The following LYRM4 variants were observed in gnomAD, a reference collection of about 807,000 sequenced individuals.
The protein encoded by LYRM4 is LYR motif containing 4.
Under a neutral mutation model 11.7 loss-of-function variants are expected in LYRM4, and 9 were observed. The observed-to-expected ratio is 0.77, with a 90% CI of 0.46 to 1.34. LYRM4 has a LOEUF of 1.34. Ranked by LOEUF, LYRM4 falls within the 40% of genes most tolerant of loss-of-function variation. The pLI is 0.00. For missense variants in LYRM4, 133 were observed against 112.5 expected, an observed-to-expected ratio of 1.18 and a Z score of -0.82; for synonymous variants, 42 against 40.4, an observed-to-expected ratio of 1.04 and a Z score of -0.15.
the LYRM4 span, among the ~76,000 whole-genome samples, chr6:5,090,510 CA>C: frequency 6.6e-6 from 1 of 152,304 alleles, no homozygotes; most frequent in East Asian, 1.9e-4. This position sits in a 1 kb window ranked among gnomAD's most constrained non-coding sequence, Gnocchi z 4.8. Context: ...TCCAGGGCAG[CA>C]AGAGCCACGG....
chr6:5,198,872 A>G (rs1201952825), intron 2 of LYRM4, among the ~76,000 whole-genome samples: 7 of 152,234 alleles, frequency 4.6e-5, no homozygotes, highest in Non-Finnish European at 8.8e-5. Flanking sequence ...CATACCCACT[A>G]GGATGGCTAT....
At chr6:5,170,149 A>C (rs1759339829) in intron 2 of LYRM4, among the ~76,000 whole-genome samples, 2 of 152,256 alleles carry the variant, frequency 1.3e-5, no homozygotes, top group East Asian at 3.8e-4. Context: ...TTTGGATGCC[A>C]AAGGGTTTTG....
chr6:5,152,830 A>G (rs1451904050), intron 2 of LYRM4, among the ~76,000 whole-genome samples: 1 of 152,234 alleles, frequency 6.6e-6, no homozygotes, highest in East Asian at 1.9e-4. Flanking sequence ...GGAAACACGC[A>G]GCAGACGGCA....
intron 2 of LYRM4, among the ~76,000 whole-genome samples, chr6:5,162,455 G>A (rs1758815950): frequency 6.6e-6 from 1 of 151,430 alleles, no homozygotes; most frequent in Admixed American, 6.6e-5. Context: ...CTGGGTCAGG[G>A]ATGTGATGTC....
At chr6:5,160,686 T>A (rs989187917) in intron 2 of LYRM4, among the ~76,000 whole-genome samples, 6 of 151,344 alleles carry the variant, frequency 4.0e-5, no homozygotes, top group Non-Finnish European at 8.8e-5. Flanking sequence ...TGTGAGTGCA[T>A]TAAACCTCTT....
At chr6:5,102,073 G>A, downstream of LYRM4, among the ~76,000 whole-genome samples, 1 of 147,524 alleles carries the variant, frequency 6.8e-6, no homozygotes, top group East Asian at 2.0e-4. Flanking sequence ...GATTAAAGGT[G>A]TGAGCCATTG....
the LYRM4 span, among the ~76,000 whole-genome samples, chr6:5,057,777 T>C: frequency 6.6e-6 from 1 of 151,674 alleles, no homozygotes; most frequent in Non-Finnish European, 1.5e-5. Context: ...TTTTTTTTCT[T>C]AAAGAGACAG....
intron 2 of LYRM4, among the ~76,000 whole-genome samples, chr6:5,122,530 G>C (rs533983970): frequency 6.6e-6 from 1 of 152,172 alleles, no homozygotes; most frequent in Non-Finnish European, 1.5e-5. Flanking sequence ...TGGTCCAGGG[G>C]AGTCTGATGC....
At chr6:5,086,699 G>A in the LYRM4 span, 1 of 734,458 alleles carries the variant, frequency 1.4e-6, no homozygotes. Flanking sequence ...GGAAAGGAGG[G>A]AGACTTTGAA....
intron 1 of LYRM4, among the ~76,000 whole-genome samples, chr6:5,227,685 G>GT (rs144229249): frequency 0.02 from 2,996 of 152,228 alleles, 89 homozygotes; most frequent in African/African-American, 0.067. Context: ...ACATGCACAC[G>GT]TATGTTTACT....
At chr6:5,085,656 G>A in the LYRM4 span, 153 of 1,548,616 alleles carry the variant, frequency 9.9e-5, no homozygotes, top group African/African-American at 1.9e-3. Context: ...TAGGGGATAG[G>A]CCCCTGTCCC....
intron 2 of LYRM4, among the ~76,000 whole-genome samples, chr6:5,192,318 G>A (rs898837942): frequency 6.6e-6 from 1 of 152,148 alleles, no homozygotes; most frequent in Non-Finnish European, 1.5e-5. Context: ...GGCAAGGCAG[G>A]AGGCCAGTAC....
downstream of LYRM4, chr6:5,107,624 A>G (rs1373300788): frequency 1.3e-5 from 2 of 152,180 alleles, no homozygotes; most frequent in Non-Finnish European, 2.9e-5. Flanking sequence ...TCCCCCAATT[A>G]GGGCTTTGCA....
At chr6:5,143,119 C>A (rs1313427502) in intron 2 of LYRM4, among the ~76,000 whole-genome samples, 1 of 152,214 alleles carries the variant, frequency 6.6e-6, no homozygotes, top group African/African-American at 2.4e-5. Context: ...GTTCACAATG[C>A]CTCAGGGGTG....
intron 2 of LYRM4, among the ~76,000 whole-genome samples, chr6:5,134,127 A>C (rs1764081779): frequency 6.6e-6 from 1 of 152,230 alleles, no homozygotes; most frequent in Non-Finnish European, 1.5e-5. Flanking sequence ...TTGCTGGGTC[A>C]TATGGTAATT....
chr6:5,143,251 G>A (rs1021337705), intron 2 of LYRM4, among the ~76,000 whole-genome samples: 5 of 137,166 alleles, frequency 3.6e-5, no homozygotes, highest in African/African-American at 1.4e-4. Context: ...GGGTACGGTG[G>A]CCAATCTTAC....
chr6:5,057,951 T>C, the LYRM4 span, among the ~76,000 whole-genome samples: 1 of 151,996 alleles, frequency 6.6e-6, no homozygotes, highest in Non-Finnish European at 1.5e-5. Context: ...GGGGTCACTT[T>C]ATGTTGCCCA....
At chr6:5,057,244 C>G in the LYRM4 span, among the ~76,000 whole-genome samples, 1 of 152,166 alleles carries the variant, frequency 6.6e-6, no homozygotes, top group African/African-American at 2.4e-5. Flanking sequence ...ACCCTGAGGT[C>G]TGCTCTCCTA....
chr6:5,051,953 A>G, the LYRM4 span, among the ~76,000 whole-genome samples: 10 of 152,128 alleles, frequency 6.6e-5, no homozygotes, highest in African/African-American at 2.4e-4. Context: ...CTGAGAACTC[A>G]CCCTCCCTGT....
Sources: gnomAD v4.1 joint callset for allele counts (sites outside exome capture counted in the v4.1 genomes callset) on GRCh38, gnomAD v4.1.1 for gene constraint, Gnocchi (gnomAD v3.1) non-coding constraint, MANE v1.5 for transcripts, NCBI Gene and HGNC (gene_info 2026-07-23, HGNC 2026-07-21) for gene names.